The following PCMTD1 variants were observed in gnomAD, a reference collection of about 807,000 sequenced individuals.
PCMTD1 encodes protein-L-isoaspartate (D-aspartate) O-methyltransferase domain containing 1, also known as protein-L-isoaspartate O-methyltransferase domain-containing protein 1.
Under a neutral mutation model 37.6 loss-of-function variants are expected in PCMTD1, and 12 were observed. That is an observed-to-expected ratio of 0.32 (90% confidence interval 0.20 to 0.52). The LOEUF is 0.52. Ranked by LOEUF, PCMTD1 falls within the 20% of genes least tolerant of loss-of-function variation. PCMTD1 has a pLI of 0.97. For synonymous variants in PCMTD1, 117 were observed against 135.8 expected, an observed-to-expected ratio of 0.86 and a Z score of 0.96; for missense variants, 235 against 421.3, an observed-to-expected ratio of 0.56 and a Z score of 3.87.
intron 1 of PCMTD1, among the ~76,000 whole-genome samples, chr8:51,870,633 C>T (rs2038625812): frequency 6.6e-6 from 1 of 152,134 alleles, no homozygotes; most frequent in Non-Finnish European, 1.5e-5. Context: ...TGAAGAGTCA[C>T]AAGATCATAT....
At chr8:51,823,208 A>C (rs2037873579) in intron 5 of PCMTD1, among the ~76,000 whole-genome samples, 1 of 152,242 alleles carries the variant, frequency 6.6e-6, no homozygotes, top group South Asian at 2.1e-4. Context: ...TCAAGCCTGT[A>C]ATCCCAGCAC....
chr8:51,832,241 T>G (rs1022675022), intron 4 of PCMTD1, among the ~76,000 whole-genome samples: 1 of 152,274 alleles, frequency 6.6e-6, no homozygotes, highest in Non-Finnish European at 1.5e-5. Flanking sequence ...AGTCATATTT[T>G]ACGTATTTGA....
chr8:51,838,852 A>C (rs532929668), intron 3 of PCMTD1, among the ~76,000 whole-genome samples: 12 of 152,328 alleles, frequency 7.9e-5, no homozygotes, highest in African/African-American at 1.4e-4. Flanking sequence ...TTACACACAT[A>C]GGTTAAAAAT....
chr8:51,827,074 T>C, intron 5 of PCMTD1: 1 of 983,810 alleles, frequency 1.0e-6, no homozygotes, highest in Non-Finnish European at 1.2e-6. Context: ...TAATGTCCTC[T>C]CAACAGAAAG....
At chr8:51,873,166 TTTC>T (rs1309401673) in intron 1 of PCMTD1, among the ~76,000 whole-genome samples, 2 of 152,186 alleles carry the variant, frequency 1.3e-5, no homozygotes, top group African/African-American at 4.8e-5. Context: ...TTTCATACAA[TTTC>T]TTAAGTACCA....
chr8:51,882,048 A>T (rs2038799583), intron 1 of PCMTD1, among the ~76,000 whole-genome samples: 1 of 106,738 alleles, frequency 9.4e-6, no homozygotes, highest in Admixed American at 1.1e-4. Context: ...AACACTTATA[A>T]GCCTTAGTCT....
intron 2 of PCMTD1, among the ~76,000 whole-genome samples, chr8:51,858,526 G>A (rs2038424836): frequency 1.3e-5 from 2 of 152,198 alleles, no homozygotes. Context: ...TTTTATGGAT[G>A]TATACCTTCC....
At chr8:51,867,499 GTGTGTGTGTGTGTGTGTGTGTA>G (rs1194447825) in intron 1 of PCMTD1, among the ~76,000 whole-genome samples, 14 of 118,156 alleles carry the variant, frequency 1.2e-4, no homozygotes, top group Admixed American at 7.9e-4. Flanking sequence ...GTGTGTGTGT[GTGTGTGTGTGTGTGTGTGTGTA>G]TAGGAATTTG....
chr8:51,884,044 T>C (rs2038829883), intron 1 of PCMTD1, among the ~76,000 whole-genome samples: 1 of 152,184 alleles, frequency 6.6e-6, no homozygotes, highest in African/African-American at 2.4e-5. Flanking sequence ...GCTCCGTGTC[T>C]TGAGTTTCTT....
intron 3 of PCMTD1, among the ~76,000 whole-genome samples, chr8:51,844,277 G>T (rs549813285): frequency 1.3e-5 from 2 of 152,020 alleles, no homozygotes; most frequent in African/African-American, 4.8e-5. Flanking sequence ...CTTGAAAAAC[G>T]AATCAAAATG....
At chr8:51,863,820 G>A (rs994121352) in intron 1 of PCMTD1, among the ~76,000 whole-genome samples, 3 of 151,946 alleles carry the variant, frequency 2.0e-5, no homozygotes, top group Non-Finnish European at 4.4e-5. Flanking sequence ...CCAGCTACTC[G>A]GGAAGCTGAG....
At chr8:51,885,136 A>C (rs560660579) in intron 1 of PCMTD1, among the ~76,000 whole-genome samples, 24 of 152,332 alleles carry the variant, frequency 1.6e-4, no homozygotes, top group African/African-American at 5.8e-4. Context: ...TGAGCAATAA[A>C]ATTAACTAAA....
At chr8:51,826,698 A>G (rs1404544593) in intron 5 of PCMTD1, among the ~76,000 whole-genome samples, 1 of 152,118 alleles carries the variant, frequency 6.6e-6, no homozygotes, top group African/African-American at 2.4e-5. Flanking sequence ...GTTGAACCAT[A>G]TAAAACTAAT....
Position 51,898,949 on chromosome 8 carries a change from G to C in PCMTD1, c.-115C>G. The C allele has an allele frequency of 7.0e-7, 1 of 1,428,416 alleles. No individual in the cohort carries two copies. Among genetic ancestry groups the C allele is most frequent in the East Asian group, 3.0e-5 (1 of 33,196 alleles). 88.5% of individuals were successfully genotyped at this position (1,428,416 alleles called of 1,614,324 possible). ...CGTTACCTGTGGCGCGGGCAGCGGC[G>C]CGCAGGCCAGGCGCTAGGACTCGGC... On this transcript the variant is annotated 5_prime_UTR_variant, in exon 1 of 6. Transcript: ENST00000522514.
chr8:51,871,804 C>T (rs754607900), intron 1 of PCMTD1, among the ~76,000 whole-genome samples: 10 of 152,124 alleles, frequency 6.6e-5, no homozygotes, highest in Admixed American at 2.6e-4. Context: ...ACAGCAAAGT[C>T]GAAGTACATG....
At chr8:51,842,132 G>A (rs757711788) in intron 3 of PCMTD1, among the ~76,000 whole-genome samples, 6 of 151,994 alleles carry the variant, frequency 3.9e-5, no homozygotes, top group Non-Finnish European at 7.4e-5. Flanking sequence ...ATGTATCAAC[G>A]GAATACATCA....
chr8:51,875,940 TTGTGTGTGTGTGTGTGTGTGTC>T (rs1337879421), intron 1 of PCMTD1, among the ~76,000 whole-genome samples: 1 of 151,224 alleles, frequency 6.6e-6, no homozygotes, highest in Non-Finnish European at 1.5e-5. Context: ...AAAAATGTGT[TTGTGTGTGTGTGTGTGTGTGTC>T]TGTGTGTGTG....
At chr8:51,839,609 TTAGACGGA>T in intron 3 of PCMTD1, 1 of 985,392 alleles carries the variant, frequency 1.0e-6, no homozygotes, top group Non-Finnish European at 1.2e-6. Flanking sequence ...AGCTTCCCTC[TTAGACGGA>T]TAGTCTAGGT....
intron 2 of PCMTD1, among the ~76,000 whole-genome samples, chr8:51,845,980 A>G (rs2038212691): frequency 6.6e-6 from 1 of 152,156 alleles, no homozygotes; most frequent in Admixed American, 6.6e-5. Context: ...TGAGTTTTCT[A>G]TCAAAAACTA....
Sources: allele counts gnomAD v4.1 joint callset (sites outside exome capture counted in the v4.1 genomes callset), GRCh38; gene constraint gnomAD v4.1.1; transcripts MANE v1.5; gene names NCBI Gene and HGNC (gene_info 2026-07-23, HGNC 2026-07-21).